NAV2: variants seen among roughly 807,000 people sequenced by gnomAD.
NAV2 encodes the protein helicase, APC down-regulated 1.
In NAV2, 54 loss-of-function variants were observed where a neutral mutation model predicts 223.2. The observed-to-expected ratio is 0.24, with a 90% CI of 0.19 to 0.30. The LOEUF is 0.30. NAV2 is among the 10% of genes least tolerant of loss of function. The pLI is 1.00. For synonymous variants in NAV2, 1,279 were observed against 1,239.3 expected, an observed-to-expected ratio of 1.03 and a Z score of -0.67; for missense variants, 2,806 against 3,147.5, an observed-to-expected ratio of 0.89 and a Z score of 2.60.
chr11:20,115,567 G>C (rs2062995753), intron 37 of NAV2, among the ~76,000 whole-genome samples: 2 of 134,236 alleles, frequency 1.5e-5, no homozygotes, highest in South Asian at 5.1e-4. Context: ...GGGAGGTGGA[G>C]CTTGCAGTGA....
chr11:20,029,701 C>G (rs1052274852), intron 11 of NAV2, among the ~76,000 whole-genome samples: 2 of 152,190 alleles, frequency 1.3e-5, no homozygotes, highest in African/African-American at 4.8e-5. Flanking sequence ...ATTCAAAGCC[C>G]TTGGCTAAGG....
At chr11:19,614,844 G>A (rs967851938) in intron 1 of NAV2, among the ~76,000 whole-genome samples, 4 of 152,126 alleles carry the variant, frequency 2.6e-5, no homozygotes, top group African/African-American at 9.7e-5. Flanking sequence ...ATTATGATGA[G>A]GACTTCCTTT....
chr11:19,701,440 C>T (rs892684225), intron 1 of NAV2, among the ~76,000 whole-genome samples: 8 of 152,158 alleles, frequency 5.3e-5, no homozygotes, highest in African/African-American at 1.9e-4. Context: ...GGATAAGACC[C>T]TAACAAGCAA....
chr11:19,511,244 C>T (rs2043269962), intron 1 of NAV2: 1 of 152,232 alleles, frequency 6.6e-6, no homozygotes, highest in African/African-American at 2.4e-5. Flanking sequence ...AGGTTTGGAC[C>T]TGCCTTGTCA....
chr11:20,064,370 A>AG (rs2058902163), intron 20 of NAV2, among the ~76,000 whole-genome samples: 2 of 152,188 alleles, frequency 1.3e-5, no homozygotes, highest in Non-Finnish European at 2.9e-5. Flanking sequence ...CCAGAGGGAC[A>AG]TGGGACTCTA....
At chr11:19,768,823 A>G (rs1216160200) in intron 1 of NAV2, among the ~76,000 whole-genome samples, 2 of 152,202 alleles carry the variant, frequency 1.3e-5, no homozygotes, top group Non-Finnish European at 2.9e-5. Context: ...TACCATATTC[A>G]AAGGTTTATT....
intron 10 of NAV2, chr11:19,981,362 C>G (rs2050268937): frequency 6.6e-6 from 1 of 152,190 alleles, no homozygotes. Flanking sequence ...TCTCAGCATT[C>G]TGTGTCTGGA....
At chr11:19,809,976 A>G (rs757263366) in intron 1 of NAV2, among the ~76,000 whole-genome samples, 3 of 152,190 alleles carry the variant, frequency 2.0e-5, no homozygotes, top group Admixed American at 6.5e-5. Context: ...TTTGGCCGGT[A>G]TCTTCACTGT....
In NAV2 at chr11:19,613,391, C is replaced by T. The variant is rs1482517094; in HGVS notation, c.76-219093C>T. ...CATTCTAAATATGCTTTCCTGTTTC[C>T]TTTCCCTACCACCACCACTGCATCA... is the stretch of plus-strand genomic sequence containing the variant. On this transcript the variant is annotated intron_variant, in intron 1 of 37. Transcript: ENST00000360655. Among the ~76,000 whole-genome samples, 3 of 152,218 alleles carry T rather than the reference C, an allele frequency of 2.0e-5. No homozygotes were observed. In the East Asian group the frequency reaches 5.8e-4, roughly 29 times the overall value.
intron 1 of NAV2, among the ~76,000 whole-genome samples, chr11:19,363,844 T>C (rs1854105034): frequency 6.6e-6 from 1 of 152,186 alleles, no homozygotes; most frequent in Admixed American, 6.5e-5. Flanking sequence ...TACCGGTTTA[T>C]ACAGGAAATA....
intron 10 of NAV2, among the ~76,000 whole-genome samples, chr11:19,952,658 A>T (rs2047493047): frequency 6.6e-6 from 1 of 152,216 alleles, no homozygotes; most frequent in African/African-American, 2.4e-5. Context: ...CTAAAAACCT[A>T]AGACCTCTGT....
chr11:19,892,554 A>T lies in NAV2; in HGVS notation c.891A>T (p.Pro297=), dbSNP rs2041590338. The change falls in exon 6 of 38, where the codon CCA becomes CCT. Residue 297 remains proline, a synonymous_variant. Transcript: ENST00000349880. ...TTAACAACTATGATAAATCCAAACC[A>T]GTCACCTCCCCACCCCCACCGCCAA... is the stretch of plus-strand genomic sequence containing the variant. The part of the protein sequence containing the change: ...QSFNNYDKSK[P]VTSPPPPPSS... The T allele has an allele frequency of 6.2e-7, 1 of 1,613,902 alleles. No homozygotes were observed. The highest frequency in any genetic ancestry group is 1.3e-5 in the African/African-American group (1 of 74,922).
Position 19,946,508 on chromosome 11 carries a change from A to C in NAV2, c.2254A>C (p.Ser752Arg). ...TTTAAGGGGAACTCAGGTTACACAC[A>C]GGTATCTGCAGTGTGAATTACTTTA... ...SSLRGTQVTH[S>R]TLETTFDTNV... is the part of the protein sequence containing the mutation. The change falls in exon 9 of 38, where the codon AGC becomes CGC. Residue 752 changes from serine to arginine, a missense_variant and splice_region_variant. Transcript: ENST00000349880. 6.2e-7 allele frequency: 1 copy of C among 1,610,736 alleles called. No homozygotes were observed. The highest frequency in any genetic ancestry group is 1.1e-5 in the South Asian group (1 of 90,440).
chr11:19,401,042 A>G (rs1293317545), intron 1 of NAV2, among the ~76,000 whole-genome samples: 1 of 152,220 alleles, frequency 6.6e-6, no homozygotes, highest in East Asian at 1.9e-4. Flanking sequence ...AACTCCTACC[A>G]CAGAGCAGAT....
chr11:19,553,032 C>T (rs938366425), intron 1 of NAV2, among the ~76,000 whole-genome samples: 3 of 152,282 alleles, frequency 2.0e-5, no homozygotes, highest in Non-Finnish European at 4.4e-5. Context: ...TGCAGCCTTG[C>T]CTCCAGTCTC....
chr11:19,583,143 TG>T (rs2045777492), intron 1 of NAV2, among the ~76,000 whole-genome samples: 1 of 152,226 alleles, frequency 6.6e-6, no homozygotes, highest in Non-Finnish European at 1.5e-5. Context: ...GAAGCAATTG[TG>T]AATAGGAGTT....
intron 1 of NAV2, among the ~76,000 whole-genome samples, chr11:19,356,215 A>C (rs1201996767): frequency 6.6e-6 from 1 of 152,178 alleles, no homozygotes; most frequent in East Asian, 1.9e-4. Flanking sequence ...AAGGAGAGAG[A>C]CTGTAGCCAG....
intron 5 of NAV2, chr11:19,884,179 G>A (rs565752906): frequency 7.1e-6 from 5 of 704,352 alleles, no homozygotes; most frequent in Non-Finnish European, 1.2e-5. Context: ...CAGTGGGCAG[G>A]GGGGGAAAGA....
chr11:19,351,444 G>A (rs1161842759), intron 1 of NAV2, among the ~76,000 whole-genome samples: 1 of 152,180 alleles, frequency 6.6e-6, no homozygotes, highest in African/African-American at 2.4e-5. Flanking sequence ...TCTGGCTCTT[G>A]TGTTTATGGA....
Sources: gnomAD v4.1 joint callset for allele counts (sites outside exome capture counted in the v4.1 genomes callset) on GRCh38, gnomAD v4.1.1 for gene constraint, MANE v1.5 for transcripts, NCBI Gene and HGNC (gene_info 2026-07-23, HGNC 2026-07-21) for gene names.